Variants in S100A8 observed in about 807,000 individuals in gnomAD.
The protein encoded by S100A8 is protein S100-A8.
Under a neutral mutation model 4.2 loss-of-function variants are expected in S100A8, and 1 was observed. That is an observed-to-expected ratio of 0.24 (90% CI 0.08 to 1.12). The LOEUF (loss-of-function observed/expected upper bound fraction) is 1.12, where lower values mean the gene tolerates loss of function less well. S100A8 is among the 50% of genes most tolerant of loss of function. The pLI is 0.53. For missense variants in S100A8, 96 were observed against 111.8 expected (o/e 0.86, Z 0.64); for synonymous variants, 41 against 44.7 (o/e 0.92, Z 0.33).
the S100A8 span, among the ~76,000 whole-genome samples, chr1:153,412,905 G>C: frequency 6.6e-6 from 1 of 152,170 alleles, no homozygotes; most frequent in African/African-American, 2.4e-5. Context: ...AACATCACAT[G>C]TTCTCACTCA....
At chr1:153,400,843 C>T in the S100A8 span, among the ~76,000 whole-genome samples, 1 of 152,184 alleles carries the variant, frequency 6.6e-6, no homozygotes, top group Non-Finnish European at 1.5e-5. Context: ...TTGCAATATC[C>T]ATAACCAAGA....
upstream of S100A8, among the ~76,000 whole-genome samples, chr1:153,395,822 A>G (rs547597793): frequency 1.3e-5 from 2 of 152,322 alleles, no homozygotes; most frequent in Admixed American, 6.5e-5. Flanking sequence ...GCTCCTAGAC[A>G]TACTTTATGA....
At chr1:153,396,548 C>T in the S100A8 span, 1 of 152,736 alleles carries the variant, frequency 6.5e-6, no homozygotes. Context: ...CACACCTCCT[C>T]CTGGGTCCGG....
the S100A8 span, among the ~76,000 whole-genome samples, chr1:153,399,870 C>A: frequency 2.6e-5 from 4 of 152,174 alleles, no homozygotes; most frequent in Non-Finnish European, 4.4e-5. Flanking sequence ...CAGGCAAAGG[C>A]CCGGGGCTGT....
At chr1:153,418,056 T>C in the S100A8 span, 1 of 1,612,928 alleles carries the variant, frequency 6.2e-7, no homozygotes, top group Non-Finnish European at 8.5e-7. Context: ...ATTGTCTTTA[T>C]TTCCTGAAGG....
the S100A8 span, chr1:153,416,465 A>G: frequency 3.5e-5 from 13 of 370,930 alleles, no homozygotes; most frequent in South Asian, 7.6e-5. Context: ...AGGCCTCCCA[A>G]CCCGTGGGAA....
At chr1:153,403,368 C>T in the S100A8 span, among the ~76,000 whole-genome samples, 736 of 152,250 alleles carry the variant, frequency 4.8e-3, 6 homozygotes, top group African/African-American at 0.017. Flanking sequence ...ATTGGCTTGG[C>T]GGGCTTGTTG....
At chr1:153,406,001 A>T in the S100A8 span, among the ~76,000 whole-genome samples, 2 of 151,842 alleles carry the variant, frequency 1.3e-5, no homozygotes, top group Non-Finnish European at 2.9e-5. Flanking sequence ...ACCCAGAAGG[A>T]CCCCAAACAG....
At chr1:153,400,038 G>A in the S100A8 span, among the ~76,000 whole-genome samples, 1 of 152,098 alleles carries the variant, frequency 6.6e-6, no homozygotes, top group African/African-American at 2.4e-5. Flanking sequence ...TCTGTCAGTG[G>A]AGGCAGACAT....
At chr1:153,413,949 C>T in the S100A8 span, among the ~76,000 whole-genome samples, 1 of 152,264 alleles carries the variant, frequency 6.6e-6, no homozygotes, top group East Asian at 1.9e-4. Flanking sequence ...ACTATTGCAT[C>T]TTGGTGACTT....
the S100A8 span, among the ~76,000 whole-genome samples, chr1:153,404,172 A>C: frequency 8.6e-4 from 131 of 152,286 alleles, no homozygotes; most frequent in African/African-American, 3.1e-3. Context: ...CCACTCCAGG[A>C]GCCCACCCTT....
chr1:153,402,530 C>A, the S100A8 span, among the ~76,000 whole-genome samples: 1 of 152,032 alleles, frequency 6.6e-6, no homozygotes, highest in East Asian at 1.9e-4. Flanking sequence ...TAAATGGAGC[C>A]CAGAAAGACA....
the S100A8 span, among the ~76,000 whole-genome samples, chr1:153,398,259 A>T: frequency 2.0e-4 from 30 of 152,236 alleles, no homozygotes; most frequent in South Asian, 6.2e-3. Flanking sequence ...GACAAAGAAG[A>T]TGGGCAGGGC....
rs930000217 is a variant in S100A8 at position 153,390,482 on chromosome 1, C to T, written c.54G>A (p.Lys18=). The T allele has an allele frequency of 6.2e-7, 1 of 1,614,088 alleles. No homozygotes were observed. Among genetic ancestry groups the T allele is most frequent in the African/African-American group, 1.3e-5 (1 of 74,934 alleles). The part of the protein sequence containing the change: ...ALNSIIDVYH[K]YSLIKGNFHA... ...GGAAATTCCCCTTTATCAGGGAGTA[C>T]TTGTGGTAGACGTCGATGATAGAGT... Residue 18 remains lysine, a synonymous_variant, in exon 2 of 3, where the codon AAG becomes AAA. Coordinates refer to ENST00000368733, the MANE Select transcript of S100A8 (RefSeq NM_002964.5).
the S100A8 span, chr1:153,419,381 A>C: frequency 4.7e-6 from 7 of 1,488,022 alleles, no homozygotes; most frequent in East Asian, 1.6e-4. Context: ...CACTTGCCTT[A>C]TTTCTTCTTC....
the S100A8 span, among the ~76,000 whole-genome samples, chr1:153,396,125 G>A: frequency 6.6e-6 from 1 of 152,170 alleles, no homozygotes; most frequent in Non-Finnish European, 1.5e-5. Flanking sequence ...GGGCCCCCTG[G>A]AATCAGAGGT....
chr1:153,419,215 A>AT, the S100A8 span: 49 of 1,613,998 alleles, frequency 3.0e-5, no homozygotes, highest in Non-Finnish European at 4.0e-5. Flanking sequence ...AAGAAGATTG[A>AT]TTTTTCTGAG....
chr1:153,415,617 G>C, the S100A8 span, among the ~76,000 whole-genome samples: 4 of 151,782 alleles, frequency 2.6e-5, no homozygotes, highest in Non-Finnish European at 5.9e-5. Flanking sequence ...GTTTTGCATA[G>C]GAGGAGGAAA....
the S100A8 span, among the ~76,000 whole-genome samples, chr1:153,398,189 C>T: frequency 1.0e-3 from 156 of 152,244 alleles, no homozygotes; most frequent in African/African-American, 3.4e-3. Context: ...TAGACAGCAG[C>T]ACCCCACAGA....
Sources: allele counts gnomAD v4.1 joint callset (sites outside exome capture counted in the v4.1 genomes callset), GRCh38; gene constraint gnomAD v4.1.1; transcripts MANE v1.5; gene names NCBI Gene and HGNC (gene_info 2026-07-23, HGNC 2026-07-21).